SMARCC1: variants seen among roughly 807,000 people sequenced by gnomAD.
SMARCC1 encodes the protein SWI/SNF related BAF chromatin remodeling complex subunit C1, also known as SWI/SNF complex subunit SMARCC1.
Under a neutral mutation model 147.4 loss-of-function variants are expected in SMARCC1, and 43 were observed. The ratio of observed to expected loss-of-function variants is 0.29; its 90% CI spans 0.23 to 0.38. SMARCC1 has a LOEUF of 0.38. SMARCC1 is among the 10% of genes least tolerant of loss of function. The probability of loss-of-function intolerance (pLI) is 1.00; values close to 1 mark genes in which losing one functional copy is unlikely to be tolerated. For synonymous variants in SMARCC1, 495 were observed against 484.4 expected, an observed-to-expected ratio of 1.02 and a Z score of -0.29; for missense variants, 1,119 against 1,381.1, an observed-to-expected ratio of 0.81 and a Z score of 3.01.
intron 24 of SMARCC1, among the ~76,000 whole-genome samples, chr3:47,631,826 T>G (rs764700597): frequency 6.6e-6 from 1 of 152,328 alleles, no homozygotes; most frequent in Non-Finnish European, 1.5e-5. Flanking sequence ...AGTTATATAT[T>G]AATTATAGTA....
intron 22 of SMARCC1, 47 bp from the exon 23 acceptor site, chr3:47,636,183 C>T (rs1193327670): frequency 3.9e-6 from 4 of 1,029,582 alleles, no homozygotes; most frequent in African/African-American, 3.2e-5. Flanking sequence ...CAAAAAAACC[C>T]CAGACCTTTT....
chr3:47,650,292 A>ATT (rs2033173031), intron 21 of SMARCC1, among the ~76,000 whole-genome samples: 6 of 140,316 alleles, frequency 4.3e-5, no homozygotes, highest in Non-Finnish European at 9.4e-5. Flanking sequence ...TAATAATAAT[A>ATT]ATAATAATTA....
intron 2 of SMARCC1, among the ~76,000 whole-genome samples, chr3:47,772,219 C>T (rs2034922498): frequency 6.6e-6 from 1 of 152,076 alleles, no homozygotes; most frequent in African/African-American, 2.4e-5. Context: ...AGCAAGATCC[C>T]ATCACTACAG....
intron 9 of SMARCC1, among the ~76,000 whole-genome samples, chr3:47,709,397 T>C (rs1422748283): frequency 1.3e-5 from 2 of 151,654 alleles, no homozygotes; most frequent in African/African-American, 4.8e-5. Flanking sequence ...TTCAATAAAG[T>C]AAAACAGGTC....
intron 15 of SMARCC1, among the ~76,000 whole-genome samples, chr3:47,679,125 C>G (rs2033608293): frequency 6.6e-6 from 1 of 151,064 alleles, no homozygotes. Flanking sequence ...GACCTAGCAA[C>G]AGTTCTTGGC....
chr3:47,675,524 T>C lies in SMARCC1; in HGVS notation c.1790A>G (p.Gln597Arg). The C allele has an allele frequency of 6.2e-7, 1 of 1,613,346 alleles. No individual in the cohort carries two copies. The highest frequency in any genetic ancestry group is 2.2e-5 in the East Asian group (1 of 44,872). Reference sequence around the variant, plus strand: ...AATGTCAGTACGGAGACCAAAGTTCTGCAAATCAACTGGTTTTTCCTTGTT... The same window carrying C: ...AATGTCAGTACGGAGACCAAAGTTCCGCAAATCAACTGGTTTTTCCTTGTT... ...EKNKEKPVDL[Q>R]NFGLRTDIYS... The change falls in exon 18 of 28, where the codon CAG becomes CGG. Residue 597 changes from glutamine to arginine, a missense_variant. This residue lies in a region of SMARCC1 where 178 missense variants were observed against 264.6 expected (regional missense o/e 0.67). Transcript: ENST00000254480.
At chr3:47,672,858 A>G (rs1480439599) in intron 18 of SMARCC1, among the ~76,000 whole-genome samples, 1 of 152,020 alleles carries the variant, frequency 6.6e-6, no homozygotes, top group Admixed American at 6.6e-5. Context: ...GGCTCACTGC[A>G]ACCTCTTCCT....
At chr3:47,629,621 C>T (rs2032860528) in intron 24 of SMARCC1, among the ~76,000 whole-genome samples, 1 of 152,064 alleles carries the variant, frequency 6.6e-6, no homozygotes, top group Non-Finnish European at 1.5e-5. Context: ...GTAAAAAGTC[C>T]AACTACTCCT....
intron 2 of SMARCC1, among the ~76,000 whole-genome samples, chr3:47,749,878 C>T (rs1445325501): frequency 1.3e-5 from 2 of 151,238 alleles, no homozygotes; most frequent in Non-Finnish European, 1.5e-5. Context: ...GTCAGGAGAT[C>T]GAGACCATCC....
chr3:47,712,124 C>T (rs559429598), intron 8 of SMARCC1, among the ~76,000 whole-genome samples: 5 of 151,896 alleles, frequency 3.3e-5, no homozygotes, highest in African/African-American at 4.8e-5. Flanking sequence ...CCCAGCTACT[C>T]GGGAGGCTGA....
chr3:47,755,108 G>A (rs1023470805), intron 2 of SMARCC1, among the ~76,000 whole-genome samples: 4 of 152,036 alleles, frequency 2.6e-5, no homozygotes, highest in Non-Finnish European at 5.9e-5. Flanking sequence ...CTACTCGCGA[G>A]GCCGAGGCAG....
intron 11 of SMARCC1, among the ~76,000 whole-genome samples, chr3:47,695,559 G>C (rs1460866316): frequency 6.6e-6 from 1 of 151,872 alleles, no homozygotes; most frequent in Non-Finnish European, 1.5e-5. Flanking sequence ...CTAAGGTCAG[G>C]AGTTCAAGAC....
chr3:47,646,091 G>A (rs762217713), intron 21 of SMARCC1, among the ~76,000 whole-genome samples: 6 of 152,120 alleles, frequency 3.9e-5, no homozygotes, highest in Admixed American at 6.5e-5. Context: ...AGGCCGAGGC[G>A]TGAGGATCAC....
At chr3:47,755,664 C>T (rs1332393246) in intron 2 of SMARCC1, among the ~76,000 whole-genome samples, 2 of 151,190 alleles carry the variant, frequency 1.3e-5, no homozygotes, top group Non-Finnish European at 2.9e-5. Context: ...CGAGACCACC[C>T]TAGCCAACAT....
intron 2 of SMARCC1, among the ~76,000 whole-genome samples, chr3:47,761,116 G>C (rs2106861614): frequency 6.7e-6 from 1 of 148,686 alleles, no homozygotes; most frequent in Middle Eastern, 3.5e-3. Flanking sequence ...CTGGGTAACA[G>C]AGCAAGACTC....
intron 2 of SMARCC1, among the ~76,000 whole-genome samples, chr3:47,752,107 A>C (rs552576248): frequency 1.3e-5 from 2 of 152,006 alleles, no homozygotes; most frequent in East Asian, 1.9e-4. Flanking sequence ...ACAACAACAA[A>C]CCTCTACAGA....
At chr3:47,707,319 G>GA (rs112319199) in intron 9 of SMARCC1, among the ~76,000 whole-genome samples, 26,125 of 137,658 alleles carry the variant, frequency 0.19, 2,681 homozygotes, top group South Asian at 0.27. Context: ...CTCAAAGAAG[G>GA]AAAAAAAAAA....
chr3:47,647,879 C>T (rs1482384058), intron 21 of SMARCC1, among the ~76,000 whole-genome samples: 3 of 152,188 alleles, frequency 2.0e-5, no homozygotes, highest in Non-Finnish European at 2.9e-5. Context: ...TGTATTGTGG[C>T]CAATCTAGTT....
At chr3:47,629,132 G>T (rs2032852548) in intron 24 of SMARCC1, among the ~76,000 whole-genome samples, 1 of 152,222 alleles carries the variant, frequency 6.6e-6, no homozygotes, top group African/African-American at 2.4e-5. Flanking sequence ...CATCAACGAT[G>T]ACTGCTCTGT....
Sources: allele counts gnomAD v4.1 joint callset (sites outside exome capture counted in the v4.1 genomes callset), GRCh38; gene constraint gnomAD v4.1.1; regional missense constraint gnomAD v4.1.1; transcripts MANE v1.5; gene names NCBI Gene and HGNC (gene_info 2026-07-23, HGNC 2026-07-21).